The following BMPR1B variants were observed in gnomAD, a reference collection of about 807,000 sequenced individuals.
BMPR1B encodes bone morphogenetic protein receptor type 1B.
BMPR1B carries 12 observed loss-of-function variants against 59.1 expected under a neutral mutation model. That is an observed-to-expected ratio of 0.20 (90% CI 0.13 to 0.33). BMPR1B has a LOEUF of 0.33. Ranked by LOEUF, BMPR1B falls within the 10% of genes least tolerant of loss-of-function variation. The probability of loss-of-function intolerance (pLI) is 1.00; values close to 1 mark genes in which losing one functional copy is unlikely to be tolerated. For synonymous variants in BMPR1B, 237 were observed against 207.3 expected, an observed-to-expected ratio of 1.14 and a Z score of -1.23; for missense variants, 550 against 610.9, an observed-to-expected ratio of 0.90 and a Z score of 1.05.
intron 1 of BMPR1B, among the ~76,000 whole-genome samples, chr4:94,839,748 T>A (rs1253646447): frequency 0.084 from 10,784 of 129,052 alleles, 672 homozygotes; most frequent in Non-Finnish European, 0.095. Flanking sequence ...TTGGAGCATT[T>A]AGTCCATTTA....
At chr4:94,784,458 C>G (rs1033908359) in intron 1 of BMPR1B, among the ~76,000 whole-genome samples, 2 of 152,110 alleles carry the variant, frequency 1.3e-5, no homozygotes, top group Non-Finnish European at 2.9e-5. Flanking sequence ...TCTCCTGTTT[C>G]TATTTGAATA....
intron 2 of BMPR1B, among the ~76,000 whole-genome samples, chr4:94,937,084 A>C (rs1248731128): frequency 6.6e-6 from 1 of 151,984 alleles, no homozygotes. Flanking sequence ...GTTACTTGTC[A>C]CCACCCTTTC....
At chr4:94,956,691 C>T (rs146597803) in intron 2 of BMPR1B, among the ~76,000 whole-genome samples, 1 of 152,264 alleles carries the variant, frequency 6.6e-6, no homozygotes, top group East Asian at 1.9e-4. Context: ...GTGCTCTTAT[C>T]ATACTTTATA....
chr4:95,000,665 G>A (rs7698787), intron 3 of BMPR1B, among the ~76,000 whole-genome samples: 145,444 of 152,136 alleles, frequency 0.96, 69,554 homozygotes, highest in Middle Eastern at 0.99. Context: ...TGGTATGGAC[G>A]TAGAAATATA....
At chr4:94,871,279 C>T (rs1356764301) in intron 1 of BMPR1B, among the ~76,000 whole-genome samples, 2 of 152,034 alleles carry the variant, frequency 1.3e-5, no homozygotes, top group African/African-American at 2.4e-5. Flanking sequence ...TAAGCTAATG[C>T]GTACATCCTT....
chr4:95,114,139 A>G (rs1466706461), intron 4 of BMPR1B, among the ~76,000 whole-genome samples: 1 of 152,112 alleles, frequency 6.6e-6, no homozygotes, highest in Non-Finnish European at 1.5e-5. Flanking sequence ...CAGTTATGCC[A>G]TGCTGATCCC....
chr4:95,138,948 A>G (rs1734010187), intron 10 of BMPR1B, among the ~76,000 whole-genome samples: 1 of 152,088 alleles, frequency 6.6e-6, no homozygotes, highest in African/African-American at 2.4e-5. Context: ...GCTTTGTTCC[A>G]TTGCTGGTGA....
At chr4:94,760,651 C>T (rs1051259219) in intron 1 of BMPR1B, among the ~76,000 whole-genome samples, 4 of 152,192 alleles carry the variant, frequency 2.6e-5, no homozygotes, top group African/African-American at 9.6e-5. Flanking sequence ...CTGAGTGCCC[C>T]TCTTTCGGTG....
intron 1 of BMPR1B, among the ~76,000 whole-genome samples, chr4:94,859,964 C>T (rs996422897): frequency 5.3e-5 from 8 of 152,082 alleles, no homozygotes; most frequent in Admixed American, 1.3e-4. Flanking sequence ...TGATCAGCAT[C>T]GTTTTGCAGA....
intron 2 of BMPR1B, among the ~76,000 whole-genome samples, chr4:94,910,061 AAAG>A (rs1728216032): frequency 3.3e-5 from 5 of 152,246 alleles, no homozygotes; most frequent in Admixed American, 2.6e-4. Flanking sequence ...AAACAAAAAA[AAAG>A]AGCCTTTAAA....
intron 11 of BMPR1B, among the ~76,000 whole-genome samples, chr4:95,149,450 A>G (rs1579166321): frequency 6.6e-6 from 1 of 152,332 alleles, no homozygotes; most frequent in Middle Eastern, 3.4e-3. Context: ...TTAAAGTATC[A>G]GAGTATTATT....
chr4:95,023,273 G>A lies in BMPR1B; in HGVS notation c.-18+27139G>A, dbSNP rs1223164512. 2.6e-5 allele frequency among the ~76,000 whole-genome samples: 4 copies of A among 152,168 alleles called. 1 individual carries two copies. Among genetic ancestry groups the A allele is most frequent in the Admixed American group, 6.5e-5 (1 of 15,268 alleles). Reference sequence around the variant, plus strand: ...CTGCCAAGAAAACTTCCAGTATGGCGAAATGTTTTAAATGTATATGTTCTT... The same window carrying A: ...CTGCCAAGAAAACTTCCAGTATGGCAAAATGTTTTAAATGTATATGTTCTT... On this transcript the variant is annotated intron_variant, in intron 3 of 12. Coordinates refer to ENST00000515059, the MANE Select transcript of BMPR1B (RefSeq NM_001203.3).
chr4:94,851,156 A>C (rs1183807125), intron 1 of BMPR1B, among the ~76,000 whole-genome samples: 1 of 152,158 alleles, frequency 6.6e-6, no homozygotes, highest in Non-Finnish European at 1.5e-5. Context: ...TTTGGTAAAC[A>C]CAGTAGAGTC....
chr4:94,794,927 A>G (rs1359631294), intron 1 of BMPR1B, among the ~76,000 whole-genome samples: 7 of 146,434 alleles, frequency 4.8e-5, no homozygotes, highest in South Asian at 2.3e-4. Context: ...GGGCTGAGAC[A>G]ATGGGGTTTT....
At chr4:94,923,953 G>A (rs983696513) in intron 2 of BMPR1B, among the ~76,000 whole-genome samples, 6 of 152,112 alleles carry the variant, frequency 3.9e-5, no homozygotes, top group African/African-American at 1.4e-4. Context: ...CTCTTGATGG[G>A]TTGCCTTTGA....
At position 95,041,865 on chromosome 4, in the gene BMPR1B, T is replaced by G. The variant is rs538144766; in HGVS notation, c.-18+45731T>G. 9.2e-5 allele frequency among the ~76,000 whole-genome samples: 14 copies of G among 152,220 alleles called. No homozygotes were observed. In the South Asian group the frequency reaches 2.7e-3, roughly 29 times the overall value. On this transcript the variant is annotated intron_variant, in intron 3 of 12. Transcript: ENST00000515059. The stretch of plus-strand genomic sequence containing the variant: ...AAATACTCCAAAATCCAAAACTTTT[T>G]TTTTTTTGAGACGGAGTCTTGCTCT...
chr4:94,938,481 C>T (rs1057001814), intron 2 of BMPR1B, among the ~76,000 whole-genome samples: 6 of 151,356 alleles, frequency 4.0e-5, no homozygotes, highest in Admixed American at 2.0e-4. Context: ...GGTCACAGAG[C>T]GAGACTGTGT....
intron 2 of BMPR1B, among the ~76,000 whole-genome samples, chr4:94,894,633 G>A (rs1012161225): frequency 1.3e-5 from 2 of 151,854 alleles, no homozygotes; most frequent in Non-Finnish European, 2.9e-5. Flanking sequence ...CCAATAGAAC[G>A]GTTTAAAAGA....
chr4:94,881,057 A>G (rs1726949504), intron 2 of BMPR1B, among the ~76,000 whole-genome samples: 1 of 152,224 alleles, frequency 6.6e-6, no homozygotes, highest in Non-Finnish European at 1.5e-5. Flanking sequence ...CAAAATGTGT[A>G]TACCATAAAA....
Sources: allele counts gnomAD v4.1 joint callset (sites outside exome capture counted in the v4.1 genomes callset), GRCh38; gene constraint gnomAD v4.1.1; transcripts MANE v1.5; gene names NCBI Gene and HGNC (gene_info 2026-07-23, HGNC 2026-07-21).